The following MYH14 variants were observed in gnomAD, a reference collection of about 807,000 sequenced individuals.
MYH14 encodes myosin-14.
A neutral mutation model predicts 255.5 loss-of-function variants in MYH14; 123 were observed. The ratio of observed to expected loss-of-function variants is 0.48; its 90% confidence interval spans 0.42 to 0.56. The LOEUF (loss-of-function observed/expected upper bound fraction) is 0.56. Among genes scored for constraint, MYH14 ranks in the 20% least tolerant of loss-of-function variants. The pLI, the probability that MYH14 is intolerant of heterozygous loss-of-function variation, is 0.00. For missense variants in MYH14, 2,423 were observed against 2,802.3 expected, an observed-to-expected ratio of 0.86 and a Z score of 3.06; for synonymous variants, 1,095 against 1,161.2, an observed-to-expected ratio of 0.94 and a Z score of 1.16.
At chr19:50,298,413 CACAT>C (rs2036357429) in intron 39 of MYH14, among the ~76,000 whole-genome samples, 1 of 151,544 alleles carries the variant, frequency 6.6e-6, no homozygotes, top group Non-Finnish European at 1.5e-5. Context: ...CACACACACA[CACAT>C]GCACACATGA....
At chr19:50,239,713 C>T (rs995527038) in intron 10 of MYH14, among the ~76,000 whole-genome samples, 2 of 152,124 alleles carry the variant, frequency 1.3e-5, no homozygotes, top group Admixed American at 1.3e-4. Flanking sequence ...CCACGCCTAG[C>T]TAATTTTTTG....
At chr19:50,290,838 A>G (rs376486783) in intron 35 of MYH14, 49 bp from the exon 36 acceptor site, 963 of 1,533,982 alleles carry the variant, frequency 6.3e-4, no homozygotes, top group Non-Finnish European at 8.0e-4. Context: ...ACACAGAGGG[A>G]GGCTGGGCTT....
chr19:50,247,635 G>C (rs1384921678), intron 12 of MYH14, among the ~76,000 whole-genome samples: 2 of 152,176 alleles, frequency 1.3e-5, no homozygotes, highest in Admixed American at 6.5e-5. Flanking sequence ...GGGAGGTTTT[G>C]TTGGTCAGGA....
chr19:50,243,000 T>C (rs773944367), intron 10 of MYH14, among the ~76,000 whole-genome samples: 1 of 152,144 alleles, frequency 6.6e-6, no homozygotes, highest in African/African-American at 2.4e-5. Context: ...AAGGCTGCCA[T>C]GTGGCTTTGG....
At position 50,228,880 on chromosome 19, in the gene MYH14, C is replaced by T. The variant is rs539300397; in HGVS notation, c.875-1645C>T. Among the ~76,000 whole-genome samples the T allele has an allele frequency of 1.1e-4, 17 of 152,326 alleles. 1 individual carries two copies. In the East Asian group the frequency reaches 2.7e-3, roughly 24 times the overall value. On this transcript the variant is annotated intron_variant, in intron 8 of 42. Coordinates refer to ENST00000642316, the MANE Select transcript of MYH14 (RefSeq NM_001145809.2). ...AATCAGGTCCCGCCCCCAGGCCAAT[C>T]GTATGAGTCTTGGGATGGCCTGCCG... is the stretch of plus-strand genomic sequence containing the variant.
chr19:50,248,104 G>GGAGA (rs1568495847), intron 12 of MYH14, among the ~76,000 whole-genome samples: 1 of 150,192 alleles, frequency 6.7e-6, no homozygotes, highest in Non-Finnish European at 1.5e-5. Context: ...ATTGAAGGAG[G>GGAGA]TCAGGTCAGT....
At chr19:50,207,978 C>T (rs1004432527) in intron 1 of MYH14, among the ~76,000 whole-genome samples, 1 of 152,208 alleles carries the variant, frequency 6.6e-6, no homozygotes, top group Non-Finnish European at 1.5e-5. Context: ...CCCTTCCTCG[C>T]TCCTGTCATC....
chr19:50,272,008 G>C (rs761838141), intron 26 of MYH14, 36 bp downstream of exon 26: 61 of 1,596,120 alleles, frequency 3.8e-5, no homozygotes, highest in Non-Finnish European at 5.0e-5. Flanking sequence ...GTCTGTGTGT[G>C]CTCTAATGGG....
chr19:50,225,631 C>A lies in MYH14; in HGVS notation c.764C>A (p.Ala255Asp). 2 of 1,613,886 alleles carry A rather than the reference C, an allele frequency of 1.2e-6. No homozygotes were observed. Among genetic ancestry groups the A allele is most frequent in the African/African-American group, 1.3e-5 (1 of 75,052 alleles). ...QLLQANPILE[A>D]FGNAKTVKND... ...CTTCAGGCCAACCCCATCCTAGAGG[C>A]CTTTGGCAATGCCAAGACAGTGAAG... Residue 255 changes from alanine (A) to aspartate (D), a missense_variant, in exon 7 of 43, where the codon GCC (alanine) becomes GAC (aspartate). Coordinates refer to ENST00000642316, the MANE Select transcript of MYH14 (RefSeq NM_001145809.2).
chr19:50,232,947 G>T (rs1254321172), intron 10 of MYH14, among the ~76,000 whole-genome samples: 1 of 152,074 alleles, frequency 6.6e-6, no homozygotes, highest in African/African-American at 2.4e-5. Context: ...GGGAGCAGGG[G>T]TTGGACAAAT....
At chr19:50,213,433 C>T (rs1181531697) in intron 2 of MYH14, among the ~76,000 whole-genome samples, 1 of 152,164 alleles carries the variant, frequency 6.6e-6, no homozygotes, top group Non-Finnish European at 1.5e-5. Context: ...CTGCAGACCC[C>T]AGGTCCTAGC....
rs908301431 is a variant in MYH14 at position 50,210,698 on chromosome 19, C to T, written c.333C>T (p.Ala111=). ...PPKFSKAEDM[A]ELTCLNEASV... ...AGTTCAGCAAGGCCGAGGACATGGC[C>T]GAGCTGACCTGCCTCAACGAGGCCT... The change falls in exon 2 of 43, where the codon GCC becomes GCT. Residue 111 remains alanine (A), a synonymous_variant. Transcript: ENST00000642316. 3 of 1,569,206 alleles carry T rather than the reference C, an allele frequency of 1.9e-6. No individual in the cohort carries two copies. Among genetic ancestry groups the T allele is most frequent in the South Asian group, 2.3e-5 (2 of 85,398 alleles).
rs572234218 is a variant in MYH14 at position 50,249,041 on chromosome 19, T to G, written c.1384T>G (p.Trp462Gly). Residue 462 changes from tryptophan to glycine, a missense_variant, in exon 13 of 43, where the codon TGG becomes GGG. Physicochemically the swap from Trp to Gly is radical, Grantham distance 184 (BLOSUM62 -2). This residue lies in a region of MYH14 where 672 missense variants were observed against 881.8 expected (regional missense o/e 0.76). Transcript: ENST00000642316. Reference protein sequence around the residue: ...AKATYERLFRWLVLRLNRALD... With the variant: ...AKATYERLFRGLVLRLNRALD... ...GGCCACCTACGAGCGCCTCTTCCGC[T>G]GGCTGGTTCTGCGCCTCAACCGGGC... The G allele has an allele frequency of 5.6e-5, 91 of 1,613,272 alleles. 2 individuals are homozygous for G. The South Asian group carries it at 8.9e-4, about 16-fold the overall frequency.
rs1299589395 is a variant in MYH14, at chr19:50,207,254, AG to A, written c.-3-3108del. Among the ~76,000 whole-genome samples the A allele has an allele frequency of 0.02, 2,728 of 136,958 alleles. 171 individuals are homozygous for A. The East Asian group carries it at 0.21, about 11-fold the overall frequency. 89.8% of individuals were successfully genotyped at this position (136,958 alleles called of 152,430 possible). A position where few individuals can be genotyped will look rare whatever the true frequency, so the allele number is the denominator to read the frequency against. ...TAAGAAAAAAGAGAGAGAGAGAGAG[AG>A]AAAGAGAGAGAGAGACAGAGAGAGA... On this transcript the variant is annotated intron_variant, in intron 1 of 42. Coordinates refer to ENST00000642316, the MANE Select transcript of MYH14 (RefSeq NM_001145809.2).
chr19:50,268,406 C>A (rs1290628840), intron 24 of MYH14, 39 bp downstream of exon 24: 4 of 1,541,682 alleles, frequency 2.6e-6, no homozygotes, highest in South Asian at 1.2e-5. Flanking sequence ...ACCCTCCAGA[C>A]CCCTCTGTCT....
At chr19:50,204,666 G>A (rs943124275) in intron 1 of MYH14, among the ~76,000 whole-genome samples, 5 of 152,316 alleles carry the variant, frequency 3.3e-5, no homozygotes, top group East Asian at 1.9e-4. Context: ...AGGTGGAAGC[G>A]AAAGAATCGC....
In MYH14 at chr19:50,230,757, C is replaced by T. The variant is rs930789181; in HGVS notation, c.973+134C>T. ...AAACACCGACTTCGCATGAGGCTCC[C>T]GCAGCCCCTGCTCTCGCTGCGTAGT... is the stretch of plus-strand genomic sequence containing the variant. On this transcript the variant is annotated intron_variant, in intron 9 of 42. Coordinates refer to ENST00000642316, the MANE Select transcript of MYH14 (RefSeq NM_001145809.2). The surrounding 1 kb of genome is among the most constrained non-coding windows in gnomAD (Gnocchi z 4.7). 2.1e-5 allele frequency: 15 copies of T among 702,864 alleles called. No homozygotes were observed. Among genetic ancestry groups the T allele is most frequent in the South Asian group, 5.2e-5 (3 of 57,436 alleles). The allele number at this position is 702,864 out of a possible 1,614,324, so 43.5% of individuals were successfully genotyped here.
chr19:50,223,055 A>G, intron 3 of MYH14, 28 bp from the exon 4 acceptor site: 2 of 1,609,808 alleles, frequency 1.2e-6, no homozygotes, highest in African/African-American at 1.3e-5. Flanking sequence ...CTCTCAGATG[A>G]CATATTCCCC....
At chr19:50,214,091 C>T (rs1568464521) in intron 2 of MYH14, among the ~76,000 whole-genome samples, 1 of 152,190 alleles carries the variant, frequency 6.6e-6, no homozygotes. Context: ...TCTCAAACTG[C>T]TGGATTTACA....
Sources: gnomAD v4.1 joint callset for allele counts (sites outside exome capture counted in the v4.1 genomes callset) on GRCh38, gnomAD v4.1.1 for gene constraint, gnomAD v4.1.1 regional missense constraint, Gnocchi (gnomAD v3.1) non-coding constraint, MANE v1.5 for transcripts, NCBI Gene and HGNC (gene_info 2026-07-23, HGNC 2026-07-21) for gene names.